Variants in NRXN3 observed in about 807,000 individuals in gnomAD.
The protein encoded by NRXN3 is neurexin III.
A neutral mutation model predicts 137.6 loss-of-function variants in NRXN3; 32 were observed. The observed-to-expected ratio is 0.23, with a 90% CI of 0.18 to 0.31. The LOEUF is 0.31. Ranked by LOEUF, NRXN3 falls within the 10% of genes least tolerant of loss-of-function variation. The pLI is 1.00. For synonymous variants in NRXN3, 798 were observed against 784.5 expected (o/e 1.02, Z -0.29); for missense variants, 1,574 against 2,062.5 (o/e 0.76, Z 4.59).
chr14:78,864,420 C>A (rs1260270295), intron 10 of NRXN3, among the ~76,000 whole-genome samples: 1 of 152,060 alleles, frequency 6.6e-6, no homozygotes, highest in Non-Finnish European at 1.5e-5. Context: ...TGAGATAATG[C>A]ATATCCAAAG....
intron 10 of NRXN3, among the ~76,000 whole-genome samples, chr14:78,940,591 T>A (rs749389207): frequency 5.3e-5 from 8 of 152,210 alleles, no homozygotes; most frequent in Non-Finnish European, 1.2e-4. Context: ...GATGAGTTGT[T>A]GAGTTAATGA....
intron 1 of NRXN3, among the ~76,000 whole-genome samples, chr14:78,177,512 G>A (rs564130553): frequency 2.0e-5 from 3 of 152,242 alleles, no homozygotes; most frequent in South Asian, 2.1e-4. Flanking sequence ...GTAGCCAGAC[G>A]CCCTGGTGTG....
chr14:79,214,636 CT>C (rs1171495033), intron 15 of NRXN3, among the ~76,000 whole-genome samples: 10 of 152,246 alleles, frequency 6.6e-5, no homozygotes, highest in African/African-American at 2.4e-4. Context: ...ACTTACTTGT[CT>C]TTTTGCTAAA....
intron 5 of NRXN3, among the ~76,000 whole-genome samples, chr14:78,650,533 G>T (rs1407177957): frequency 2.0e-5 from 3 of 152,000 alleles, no homozygotes; most frequent in African/African-American, 7.3e-5. Flanking sequence ...GGGAGCCAAG[G>T]GAGGGTAGGG....
intron 10 of NRXN3, among the ~76,000 whole-genome samples, chr14:78,836,455 T>C (rs1237590691): frequency 2.0e-5 from 3 of 152,214 alleles, no homozygotes; most frequent in African/African-American, 7.2e-5. Flanking sequence ...TTTCCTCAGC[T>C]CCATGCTCAG....
At chr14:78,249,634 A>G (rs1479919681) in intron 2 of NRXN3, among the ~76,000 whole-genome samples, 2 of 152,136 alleles carry the variant, frequency 1.3e-5, no homozygotes, top group Non-Finnish European at 2.9e-5. Flanking sequence ...CAGGGCTCCA[A>G]AGGTCGAGTG....
intron 15 of NRXN3, among the ~76,000 whole-genome samples, chr14:79,187,831 A>G (rs1597036208): frequency 6.6e-6 from 1 of 152,206 alleles, no homozygotes; most frequent in Non-Finnish European, 1.5e-5. Flanking sequence ...TGGTGTGACT[A>G]AATTGTTTGC....
chr14:79,421,136 A>G (rs897126268), intron 15 of NRXN3, among the ~76,000 whole-genome samples: 4 of 152,222 alleles, frequency 2.6e-5, no homozygotes, highest in Admixed American at 2.0e-4. Context: ...TATTTTTAAA[A>G]GACTTTATAT....
At chr14:79,478,179 A>G (rs892131589) in intron 16 of NRXN3, among the ~76,000 whole-genome samples, 1 of 147,854 alleles carries the variant, frequency 6.8e-6, no homozygotes, top group Non-Finnish European at 1.5e-5. Flanking sequence ...ATTTAAATAT[A>G]TATTATTTTA....
At chr14:79,818,839 T>C (rs781362443) in intron 20 of NRXN3, among the ~76,000 whole-genome samples, 28 of 152,374 alleles carry the variant, frequency 1.8e-4, no homozygotes, top group Non-Finnish European at 3.7e-4. Flanking sequence ...TGTGTTTGCT[T>C]GTATTATAAT....
chr14:78,243,773 C>A lies in NRXN3; in HGVS notation c.680C>A (p.Thr227Asn), dbSNP rs763989566. The change falls in exon 2 of 21, where the codon ACT becomes AAT. Residue 227 changes from threonine to asparagine, a missense_variant. Physicochemically the swap from Thr to Asn is moderately conservative, Grantham distance 65. Around this residue, in one of 5 missense-constraint regions of NRXN3, gnomAD observed 400 missense variants for 527.3 expected, o/e 0.76. Coordinates refer to ENST00000335750, the MANE Select transcript of NRXN3 (RefSeq NM_001330195.2). The surrounding 1 kb of genome is among the most constrained non-coding windows in gnomAD (Gnocchi z 4.2). ...DGHPTCDCST[T>N]GYGGKLCSED... Reference sequence around the variant, plus strand: ...CACCCCACCTGTGACTGTTCTACCACTGGCTATGGTGGCAAGCTCTGCTCA... The same window carrying A: ...CACCCCACCTGTGACTGTTCTACCAATGGCTATGGTGGCAAGCTCTGCTCA... 8 of 1,592,450 alleles carry A rather than the reference C, an allele frequency of 5.0e-6. No homozygotes were observed. The highest frequency in any genetic ancestry group is 4.2e-6 in the Non-Finnish European group (5 of 1,176,532).
chr14:79,601,535 C>T lies in NRXN3; in HGVS notation c.3445-62243C>T, dbSNP rs185597494. On this transcript the variant is annotated intron_variant, in intron 16 of 20. Transcript: ENST00000335750. The stretch of plus-strand genomic sequence containing the variant: ...CTCCCTCTTTATTGCCAAGGTACTA[C>T]GTTCCTTTATCTCTGTGCCTGAACA... 7.0e-4 allele frequency among the ~76,000 whole-genome samples: 106 copies of T among 152,286 alleles called. 1 individual carries two copies. Among genetic ancestry groups the T allele is most frequent in the Admixed American group, 6.4e-3 (98 of 15,304 alleles).
At chr14:78,617,353 C>T (rs2097356956) in intron 4 of NRXN3, among the ~76,000 whole-genome samples, 1 of 152,154 alleles carries the variant, frequency 6.6e-6, no homozygotes, top group Admixed American at 6.5e-5. Context: ...CCATAGGGCT[C>T]TGTCTTACAT....
intron 19 of NRXN3, among the ~76,000 whole-genome samples, chr14:79,770,500 T>G (rs1437391996): frequency 7.5e-6 from 1 of 133,760 alleles, no homozygotes; most frequent in Non-Finnish European, 1.6e-5. Context: ...ACATGGAAAC[T>G]GAACAACCTG....
intron 4 of NRXN3, among the ~76,000 whole-genome samples, chr14:78,573,872 C>T (rs923940492): frequency 7.9e-5 from 12 of 152,182 alleles, no homozygotes; most frequent in Admixed American, 5.9e-4. Flanking sequence ...GTGGGGAAAA[C>T]GTATCCAAGA....
chr14:78,402,536 T>C (rs914045237), intron 4 of NRXN3, among the ~76,000 whole-genome samples: 17 of 152,346 alleles, frequency 1.1e-4, no homozygotes, highest in African/African-American at 4.1e-4. Flanking sequence ...CCATTGTATA[T>C]AGCAGAGGAG....
chr14:79,123,704 G>C (rs942272217), intron 15 of NRXN3, among the ~76,000 whole-genome samples: 2 of 152,152 alleles, frequency 1.3e-5, no homozygotes, highest in African/African-American at 2.4e-5. Context: ...GGACAGAAGG[G>C]AGGATTTAGC....
chr14:79,824,861 G>A (rs1047285088), intron 20 of NRXN3, among the ~76,000 whole-genome samples: 10 of 152,032 alleles, frequency 6.6e-5, no homozygotes, highest in Admixed American at 2.0e-4. Flanking sequence ...TACATATAAC[G>A]GATGCATAAA....
At chr14:79,180,511 T>C (rs557725942) in intron 15 of NRXN3, among the ~76,000 whole-genome samples, 1 of 152,340 alleles carries the variant, frequency 6.6e-6, no homozygotes, top group African/African-American at 2.4e-5. Flanking sequence ...AGTGATACTT[T>C]GCTGAATAAA....
Sources: gnomAD v4.1 joint callset for allele counts (sites outside exome capture counted in the v4.1 genomes callset) on GRCh38, gnomAD v4.1.1 for gene constraint, gnomAD v4.1.1 regional missense constraint, Gnocchi (gnomAD v3.1) non-coding constraint, MANE v1.5 for transcripts, NCBI Gene and HGNC (gene_info 2026-07-23, HGNC 2026-07-21) for gene names.